The following ARID5B variants were observed in gnomAD, a reference collection of about 807,000 sequenced individuals.
ARID5B encodes AT-rich interactive domain-containing protein 5B.
In ARID5B, 13 loss-of-function variants were observed where a neutral mutation model predicts 97.2. The observed-to-expected ratio is 0.13, with a 90% CI of 0.09 to 0.21. The LOEUF (loss-of-function observed/expected upper bound fraction) is 0.21, where lower values mean the gene tolerates loss of function less well. Among genes scored for constraint, ARID5B ranks in the 10% least tolerant of loss-of-function variants. The pLI, the probability that ARID5B is intolerant of heterozygous loss-of-function variation, is 1.00. For synonymous variants in ARID5B, 556 were observed against 570.3 expected, an observed-to-expected ratio of 0.97 and a Z score of 0.36; for missense variants, 1,210 against 1,465.3, an observed-to-expected ratio of 0.83 and a Z score of 2.84.
intron 6 of ARID5B, 65 bp downstream of exon 6, chr10:62,057,383 T>A: frequency 6.8e-7 from 1 of 1,465,846 alleles, no homozygotes; most frequent in Non-Finnish European, 9.4e-7. Context: ...TTGGAAAAAA[T>A]AATTTTGACT....
At chr10:62,082,717 C>A (rs1180813983) in intron 8 of ARID5B, among the ~76,000 whole-genome samples, 1 of 152,078 alleles carries the variant, frequency 6.6e-6, no homozygotes, top group African/African-American at 2.4e-5. Flanking sequence ...TGTTCAGAAA[C>A]CTATAATAGC....
chr10:62,023,850 A>G (rs1839386019), intron 4 of ARID5B, among the ~76,000 whole-genome samples: 1 of 152,236 alleles, frequency 6.6e-6, no homozygotes, highest in Non-Finnish European at 1.5e-5. Flanking sequence ...TGAAGGACAC[A>G]GACTGTTTGG....
chr10:61,957,212 A>G (rs192541271), intron 3 of ARID5B, among the ~76,000 whole-genome samples: 1 of 152,364 alleles, frequency 6.6e-6, no homozygotes, highest in African/African-American at 2.4e-5. Context: ...TCAGTTTAAA[A>G]TAAAAAACTG....
chr10:61,993,588 T>C (rs1474118062), intron 3 of ARID5B, among the ~76,000 whole-genome samples: 2 of 152,206 alleles, frequency 1.3e-5, no homozygotes, highest in Admixed American at 1.3e-4. Flanking sequence ...CTCTTATCTG[T>C]AGAATTTTCA....
chr10:61,980,500 G>T (rs923523703), intron 3 of ARID5B, among the ~76,000 whole-genome samples: 3 of 152,172 alleles, frequency 2.0e-5, no homozygotes, highest in Admixed American at 1.3e-4. Context: ...CAACTGGGAG[G>T]GGTGGGGAGG....
intron 4 of ARID5B, among the ~76,000 whole-genome samples, chr10:62,020,476 G>T (rs748722026): frequency 2.0e-5 from 3 of 152,142 alleles, no homozygotes; most frequent in Non-Finnish European, 4.4e-5. Context: ...TTTGACATCG[G>T]ATATTCTTCA....
intron 4 of ARID5B, among the ~76,000 whole-genome samples, chr10:62,032,409 C>T (rs1398195189): frequency 2.0e-5 from 3 of 152,198 alleles, no homozygotes; most frequent in African/African-American, 7.2e-5. Flanking sequence ...AGCACAGTGT[C>T]AGACATCTGA....
At chr10:62,012,214 C>T (rs988216657) in intron 4 of ARID5B, among the ~76,000 whole-genome samples, 5 of 152,062 alleles carry the variant, frequency 3.3e-5, no homozygotes, top group Admixed American at 6.6e-5. Context: ...AGGAAGCTCG[C>T]GTTAACCATC....
intron 3 of ARID5B, among the ~76,000 whole-genome samples, chr10:61,943,710 TTTGTG>T (rs1333295272): frequency 1.3e-5 from 2 of 152,098 alleles, no homozygotes. Flanking sequence ...TTAATTCCAG[TTTGTG>T]TCACTTCCTG....
intron 4 of ARID5B, among the ~76,000 whole-genome samples, chr10:62,040,323 A>C (rs2132916569): frequency 7.1e-6 from 1 of 140,854 alleles, no homozygotes; most frequent in East Asian, 2.0e-4. Flanking sequence ...AAAAATTTTT[A>C]GATACTATTA....
At chr10:61,938,677 T>C (rs149983002) in intron 2 of ARID5B, among the ~76,000 whole-genome samples, 1 of 152,286 alleles carries the variant, frequency 6.6e-6, no homozygotes, top group Non-Finnish European at 1.5e-5. Flanking sequence ...GAGCGCACGA[T>C]AGAAACACAG....
At chr10:62,032,197 T>G (rs1022572874) in intron 4 of ARID5B, among the ~76,000 whole-genome samples, 2 of 152,152 alleles carry the variant, frequency 1.3e-5, no homozygotes, top group African/African-American at 4.8e-5. Flanking sequence ...CACACACCTA[T>G]AGTCCCAGTT....
intron 3 of ARID5B, among the ~76,000 whole-genome samples, chr10:61,969,162 C>G (rs549416112): frequency 6.6e-6 from 1 of 152,120 alleles, no homozygotes; most frequent in Admixed American, 6.6e-5. Flanking sequence ...TACCCTCCCC[C>G]CCAAATAAAG....
chr10:62,067,344 A>G (rs1252997220), intron 7 of ARID5B, among the ~76,000 whole-genome samples: 1 of 152,196 alleles, frequency 6.6e-6, no homozygotes, highest in East Asian at 1.9e-4. Context: ...CGGCCTCCCA[A>G]AGTGCTGGGG....
intron 3 of ARID5B, among the ~76,000 whole-genome samples, chr10:61,979,416 G>T (rs1276583661): frequency 6.6e-6 from 1 of 151,992 alleles, no homozygotes; most frequent in Non-Finnish European, 1.5e-5. Flanking sequence ...ATCGTAGGAA[G>T]GATTTCACAG....
intron 4 of ARID5B, among the ~76,000 whole-genome samples, chr10:62,028,650 G>T (rs561285056): frequency 2.6e-5 from 4 of 152,256 alleles, no homozygotes; most frequent in African/African-American, 4.8e-5. Flanking sequence ...AGGATTAAAT[G>T]AAGTGCTGCA....
At chr10:61,941,090 C>T (rs1208276353) in intron 3 of ARID5B, among the ~76,000 whole-genome samples, 1 of 139,544 alleles carries the variant, frequency 7.2e-6, no homozygotes, top group Non-Finnish European at 1.5e-5. Flanking sequence ...TCTGCTGCTT[C>T]TTAGCTGTAT....
chr10:62,049,428 C>G, intron 4 of ARID5B: 1 of 1,550,426 alleles, frequency 6.4e-7, no homozygotes, highest in Non-Finnish European at 8.7e-7. Context: ...CAGTCACATG[C>G]TGTAGCTTTC....
At chr10:61,944,814 G>A (rs754886267) in intron 3 of ARID5B, among the ~76,000 whole-genome samples, 12 of 152,098 alleles carry the variant, frequency 7.9e-5, no homozygotes, top group African/African-American at 1.2e-4. Context: ...GTCTGTGGAT[G>A]GGCAGTTATG....
Sources: allele counts gnomAD v4.1 joint callset (sites outside exome capture counted in the v4.1 genomes callset), GRCh38; gene constraint gnomAD v4.1.1; transcripts MANE v1.5; gene names NCBI Gene and HGNC (gene_info 2026-07-23, HGNC 2026-07-21).